MTA1: variants seen among roughly 807,000 people sequenced by gnomAD.
The protein encoded by MTA1 is metastasis associated 1.
A neutral mutation model predicts 97.0 loss-of-function variants in MTA1; 15 were observed. The observed-to-expected ratio is 0.15, with a 90% CI of 0.10 to 0.24. The LOEUF is 0.24. Among genes scored for constraint, MTA1 ranks in the 10% least tolerant of loss-of-function variants. The pLI, the probability that MTA1 is intolerant of heterozygous loss-of-function variation, is 1.00. For missense variants in MTA1, 709 were observed against 1,015.1 expected (o/e 0.70, Z 4.10); for synonymous variants, 435 against 417.5 (o/e 1.04, Z -0.51).
rs1276989388 is a variant in MTA1 at position 105,464,024 on chromosome 14, T to G, written c.1077-8T>G. On this transcript the variant is annotated splice_region_variant and splice_polypyrimidine_tract_variant and intron_variant, in intron 12 of 20. Coordinates refer to ENST00000331320, the MANE Select transcript of MTA1 (RefSeq NM_004689.4). Reference sequence around the variant, plus strand: ...CAACTCCTCTCGTCTCTCCTTTCCCTCTTTAAGTAACAAGCCAAATCCGAA... The same window carrying G: ...CAACTCCTCTCGTCTCTCCTTTCCCGCTTTAAGTAACAAGCCAAATCCGAA... 1.9e-6 allele frequency: 3 copies of G among 1,612,148 alleles called. No homozygotes were observed. The highest frequency in any genetic ancestry group is 2.5e-6 in the Non-Finnish European group (3 of 1,179,656).
rs782610421 is a variant in MTA1, at chr14:105,450,302, T to G, written c.410T>G (p.Leu137Arg). Residue 137 changes from leucine to arginine, a missense_variant, in exon 6 of 21, where the codon CTC (leucine) becomes CGC (arginine). Leu to Arg is a moderately radical substitution (Grantham distance 102). Around this residue, in one of 2 missense-constraint regions of MTA1, gnomAD observed 321 missense variants for 593.5 expected, o/e 0.54. Coordinates refer to ENST00000331320, the MANE Select transcript of MTA1 (RefSeq NM_004689.4). ...ACCCTGCTCAACGAGACCGAGTCGC[T>G]CAAGTCCTACCTGGAGCGGGAGGTG... is the stretch of plus-strand genomic sequence containing the variant. ...SVTLLNETES[L>R]KSYLEREDFF... is the part of the protein sequence containing the mutation. 1 of 1,606,698 alleles carries G rather than the reference T, an allele frequency of 6.2e-7. No individual in the cohort carries two copies. Among genetic ancestry groups the G allele is most frequent in the South Asian group, 1.1e-5 (1 of 90,914 alleles).
At chr14:105,440,400 C>A (rs1223646457) in intron 2 of MTA1, among the ~76,000 whole-genome samples, 3 of 152,250 alleles carry the variant, frequency 2.0e-5, no homozygotes, top group African/African-American at 7.2e-5. Flanking sequence ...GCTGGCCCCA[C>A]ACAGCCAGCT....
intron 4 of MTA1, among the ~76,000 whole-genome samples, 157 bp from the exon 5 acceptor site, chr14:105,449,901 T>C (rs1407724069): frequency 1.3e-5 from 2 of 152,164 alleles, no homozygotes; most frequent in African/African-American, 4.8e-5. Context: ...CGGGCCGCCA[T>C]AGGGTGGGGC....
At chr14:105,423,913 G>A (rs996166946) in intron 1 of MTA1, among the ~76,000 whole-genome samples, 6 of 152,238 alleles carry the variant, frequency 3.9e-5, no homozygotes, top group Non-Finnish European at 7.3e-5. Flanking sequence ...GTGTCCCTAG[G>A]CACTTGCTGC....
At chr14:105,458,692 C>T (rs587660156) in intron 8 of MTA1, among the ~76,000 whole-genome samples, 1 of 152,288 alleles carries the variant, frequency 6.6e-6, no homozygotes, top group South Asian at 2.1e-4. Context: ...GTGGGCTGGG[C>T]CTGGTCATGG....
At chr14:105,445,221 C>T (rs1338947938) in intron 2 of MTA1, among the ~76,000 whole-genome samples, 197 bp from the exon 3 acceptor site, 1 of 152,170 alleles carries the variant, frequency 6.6e-6, no homozygotes, top group Non-Finnish European at 1.5e-5. Context: ...CCCGCCTTCT[C>T]CCCTGGGATA....
chr14:105,425,835 A>G (rs1305085645), intron 1 of MTA1, among the ~76,000 whole-genome samples: 13 of 61,984 alleles, frequency 2.1e-4, no homozygotes, highest in Admixed American at 7.4e-4. Flanking sequence ...CACCCGCCCC[A>G]CCAATGTGCC....
intron 18 of MTA1, among the ~76,000 whole-genome samples, chr14:105,468,639 T>C (rs2083697326): frequency 6.6e-6 from 1 of 152,114 alleles, no homozygotes; most frequent in Non-Finnish European, 1.5e-5. Flanking sequence ...CTAAGCAGCG[T>C]TTCTGGAGCT....
At chr14:105,466,818 G>C in intron 18 of MTA1, 76 bp downstream of exon 18, 2 of 1,467,624 alleles carry the variant, frequency 1.4e-6, no homozygotes, top group Non-Finnish European at 1.8e-6. Flanking sequence ...CTGTGTCCCC[G>C]CGGCGGGCGG....
chr14:105,470,319 C>G lies in MTA1; in HGVS notation c.*104C>G, dbSNP rs1354433032. 6 of 995,954 alleles carry G rather than the reference C, an allele frequency of 6.0e-6. No individual in the cohort carries two copies. Among genetic ancestry groups the G allele is most frequent in the Non-Finnish European group, 8.2e-6 (6 of 735,168 alleles). 61.7% of individuals were successfully genotyped at this position (995,954 alleles called of 1,614,324 possible). On this transcript the variant is annotated 3_prime_UTR_variant, in exon 21 of 21. Coordinates refer to ENST00000331320, the MANE Select transcript of MTA1 (RefSeq NM_004689.4). ...CTCAGTTTGGTAGTGCCCCACCTCCCGCCCTCACCTGCAGAGAAACGCGCT... is the reference window on the plus strand; with the variant it reads ...CTCAGTTTGGTAGTGCCCCACCTCCGGCCCTCACCTGCAGAGAAACGCGCT...
intron 2 of MTA1, among the ~76,000 whole-genome samples, chr14:105,445,214 G>A (rs1282542527): frequency 1.3e-5 from 2 of 152,234 alleles, no homozygotes; most frequent in African/African-American, 2.4e-5. Context: ...GCACACGCCC[G>A]CCTTCTCCCC....
intron 1 of MTA1, among the ~76,000 whole-genome samples, chr14:105,427,596 G>A (rs1465104615): frequency 2.0e-5 from 3 of 152,206 alleles, no homozygotes; most frequent in Non-Finnish European, 4.4e-5. Flanking sequence ...CCAGAGGCTC[G>A]TAGGAACCTG....
chr14:105,463,986 G>T lies in MTA1; in HGVS notation c.1077-46G>T, dbSNP rs1555431696. On this transcript the variant is annotated intron_variant, in intron 12 of 20. Transcript: ENST00000331320. This position sits in a 1 kb window ranked among gnomAD's most constrained non-coding sequence, Gnocchi z 5.9. ...CCTGCTGGGCACATGGGCCCTCGAGGTTTGTGCTCCTGCAACTCCTCTCGT... is the reference window on the plus strand; with the variant it reads ...CCTGCTGGGCACATGGGCCCTCGAGTTTTGTGCTCCTGCAACTCCTCTCGT... The T allele has an allele frequency of 6.3e-7, 1 of 1,598,178 alleles. No individual in the cohort carries two copies. Among genetic ancestry groups the T allele is most frequent in the Admixed American group, 1.7e-5 (1 of 59,824 alleles).
intron 2 of MTA1, among the ~76,000 whole-genome samples, chr14:105,439,459 G>T (rs12147984): frequency 6.6e-6 from 1 of 152,172 alleles, no homozygotes; most frequent in Non-Finnish European, 1.5e-5. Flanking sequence ...CCACTGCCTC[G>T]GCACAGCCTC....
Position 105,438,772 on chromosome 14 carries a change from G to A in MTA1, c.96+33G>A, listed in dbSNP as rs200727584. The stretch of plus-strand genomic sequence containing the variant: ...GGGGCCCTGGTGTTGCTGCAGGGGG[G>A]TAGTGGGTGGGGGCTACGCCAGCTC... On this transcript the variant is annotated intron_variant, in intron 2 of 20. Coordinates refer to ENST00000331320, the MANE Select transcript of MTA1 (RefSeq NM_004689.4). The A allele has an allele frequency of 9.2e-5, 148 of 1,605,866 alleles. 1 individual carries two copies. The African/African-American group carries it at 1.5e-3, about 16-fold the overall frequency.
rs1461270419 is a variant in MTA1, at chr14:105,440,581, C to T, written c.96+1842C>T. Among the ~76,000 whole-genome samples, 8 of 152,256 alleles carry T rather than the reference C, an allele frequency of 5.3e-5. No individual in the cohort carries two copies. The East Asian group carries it at 5.8e-4, about 11-fold the overall frequency. ...AGGGGGCTGGCTTCCAGCCCTTGGGCGATGTTCAGTTACACATGTAGCATT... is the reference window on the plus strand; with the variant it reads ...AGGGGGCTGGCTTCCAGCCCTTGGGTGATGTTCAGTTACACATGTAGCATT... On this transcript the variant is annotated intron_variant, in intron 2 of 20. Transcript: ENST00000331320.
chr14:105,465,221 C>T (rs1555432442), intron 16 of MTA1, 38 bp downstream of exon 16: 1 of 1,471,108 alleles, frequency 6.8e-7, no homozygotes, highest in Non-Finnish European at 9.1e-7. Context: ...CCCAATGCTG[C>T]CTGCAGGCAG....
At chr14:105,460,569 T>C in intron 9 of MTA1, 112 bp downstream of exon 9, 3 of 1,237,216 alleles carry the variant, frequency 2.4e-6, no homozygotes, top group Non-Finnish European at 3.3e-6. Flanking sequence ...TCAGGACCCC[T>C]GCAGAGGTGC....
chr14:105,450,103 C>T lies in MTA1; in HGVS notation c.287C>T (p.Pro96Leu). 6.2e-7 allele frequency: 1 copy of T among 1,613,430 alleles called. No individual in the cohort carries two copies. Among genetic ancestry groups the T allele is most frequent in the Non-Finnish European group, 8.5e-7 (1 of 1,179,862 alleles). ...EMENPEMVDL[P>L]EKLKHQLRHR... ...GAGAACCCGGAAATGGTGGACCTGCCCGAGAAACTAAAGCACCAGCTGCGG... is the reference window on the plus strand; with the variant it reads ...GAGAACCCGGAAATGGTGGACCTGCTCGAGAAACTAAAGCACCAGCTGCGG... Residue 96 changes from proline to leucine, a missense_variant, in exon 5 of 21, where the codon CCC (proline) becomes CTC (leucine). Physicochemically the swap from Pro to Leu is moderately conservative, Grantham distance 98. Coordinates refer to ENST00000331320, the MANE Select transcript of MTA1 (RefSeq NM_004689.4).
Sources: gnomAD v4.1 joint callset for allele counts (sites outside exome capture counted in the v4.1 genomes callset) on GRCh38, gnomAD v4.1.1 for gene constraint, gnomAD v4.1.1 regional missense constraint, Gnocchi (gnomAD v3.1) non-coding constraint, MANE v1.5 for transcripts, NCBI Gene and HGNC (gene_info 2026-07-23, HGNC 2026-07-21) for gene names.